ABCA13: variants seen among roughly 807,000 people sequenced by gnomAD.
ABCA13 encodes ATP binding cassette subfamily A member 13.
A neutral mutation model predicts 478.7 loss-of-function variants in ABCA13; 476 were observed. The ratio of observed to expected loss-of-function variants is 0.99; its 90% CI spans 0.92 to 1.07. ABCA13 has a LOEUF of 1.07. Among genes scored for constraint, ABCA13 ranks in the 50% least tolerant of loss-of-function variants. ABCA13 has a pLI of 0.00. For missense variants in ABCA13, 6,060 were observed against 5,910.6 expected (o/e 1.03, Z -0.83); for synonymous variants, 2,252 against 2,158.9 (o/e 1.04, Z -1.20).
In ABCA13 at chr7:48,279,443, TAAAG is replaced by T. The variant is rs760717242; in HGVS notation, c.8255_8258del (p.Lys2752IlefsTer9). ...ACCTTAGAAGCTCTTTGGAAAAACT[TAAAG>T]AAAGATAATTGGAATGTTTCTAATG... On this transcript the variant is annotated frameshift_variant, in exon 18 of 62. Transcript: ENST00000435803. LOFTEE classifies it high-confidence loss of function. The T allele has an allele frequency of 1.4e-5, 22 of 1,607,122 alleles. No individual in the cohort carries two copies. The highest frequency in any genetic ancestry group is 1.6e-4 in the Middle Eastern group (1 of 6,074).
chr7:48,228,011 G>C (rs1788485161), intron 6 of ABCA13, among the ~76,000 whole-genome samples: 1 of 152,152 alleles, frequency 6.6e-6, no homozygotes, highest in African/African-American at 2.4e-5. Context: ...CCCGTGGTGG[G>C]CTTCTTATGC....
chr7:48,229,759 A>G, intron 6 of ABCA13, 66 bp from the exon 7 acceptor site: 2 of 1,592,292 alleles, frequency 1.3e-6, no homozygotes, highest in Non-Finnish European at 1.7e-6. Context: ...AAGTAAACCT[A>G]GAATTGATGC....
intron 26 of ABCA13, among the ~76,000 whole-genome samples, chr7:48,315,048 T>C (rs1802366921): frequency 6.6e-6 from 1 of 152,226 alleles, no homozygotes; most frequent in South Asian, 2.1e-4. Flanking sequence ...TTTAGACGGT[T>C]CAGCTCCATC....
At chr7:48,477,024 C>A (rs980417885) in intron 45 of ABCA13, among the ~76,000 whole-genome samples, 2 of 152,090 alleles carry the variant, frequency 1.3e-5, no homozygotes, top group African/African-American at 4.8e-5. Flanking sequence ...TGTCACAATC[C>A]AGGATAATCT....
intron 3 of ABCA13, among the ~76,000 whole-genome samples, chr7:48,217,100 A>G (rs997046023): frequency 2.0e-5 from 3 of 152,232 alleles, no homozygotes; most frequent in Non-Finnish European, 2.9e-5. Context: ...TGTCTATCCA[A>G]AGGAATATAA....
At chr7:48,478,187 T>A (rs1190762832) in intron 45 of ABCA13, among the ~76,000 whole-genome samples, 3 of 148,514 alleles carry the variant, frequency 2.0e-5, no homozygotes, top group Non-Finnish European at 3.0e-5. Flanking sequence ...GATATATATA[T>A]AATACATAAA....
chr7:48,457,700 T>G (rs140361366), intron 43 of ABCA13, among the ~76,000 whole-genome samples: 34 of 152,362 alleles, frequency 2.2e-4, no homozygotes, highest in African/African-American at 6.5e-4. Context: ...GAGGTTTATT[T>G]TCTCATCCTT....
chr7:48,427,477 C>T (rs1489718880), intron 41 of ABCA13, among the ~76,000 whole-genome samples: 1 of 152,220 alleles, frequency 6.6e-6, no homozygotes, highest in Non-Finnish European at 1.5e-5. Flanking sequence ...TGCTATCTGT[C>T]CCCTCCCTGC....
chr7:48,513,797 G>A (rs1357361455), intron 51 of ABCA13, among the ~76,000 whole-genome samples: 1 of 152,094 alleles, frequency 6.6e-6, no homozygotes, highest in African/African-American at 2.4e-5. Context: ...GACGGGAGCT[G>A]CTAATACGTT....
rs140063734 is a variant in ABCA13, at chr7:48,441,009, A to G, written c.12565+13138A>G. On this transcript the variant is annotated intron_variant, in intron 42 of 61. Coordinates refer to ENST00000435803, the MANE Select transcript of ABCA13 (RefSeq NM_152701.5). The stretch of plus-strand genomic sequence containing the variant: ...CTGGGAACTGAAATGTATATTATTT[A>G]AGAATCAATTTAAGTATTTCATTAC... Among the ~76,000 whole-genome samples, 55 of 152,342 alleles carry G rather than the reference A, an allele frequency of 3.6e-4. No homozygotes were observed. In the East Asian group the frequency reaches 9.8e-3, roughly 27 times the overall value.
chr7:48,256,087 T>C (rs753906426), intron 15 of ABCA13, among the ~76,000 whole-genome samples: 1 of 152,174 alleles, frequency 6.6e-6, no homozygotes, highest in African/African-American at 2.4e-5. Flanking sequence ...TTATTGGCCA[T>C]GTGCATGTCT....
intron 59 of ABCA13, among the ~76,000 whole-genome samples, chr7:48,640,912 A>C (rs1038387932): frequency 1.3e-4 from 20 of 152,164 alleles, no homozygotes; most frequent in African/African-American, 4.6e-4. Flanking sequence ...CCTATCTCCT[A>C]TCTGTTTCAG....
chr7:48,391,788 T>C lies in ABCA13; in HGVS notation c.11655-133T>C, dbSNP rs930105667. 5.7e-5 allele frequency: 44 copies of C among 765,598 alleles called. No homozygotes were observed. The Admixed American group carries it at 9.6e-4, about 17-fold the overall frequency. 47.4% of individuals were successfully genotyped at this position (765,598 alleles called of 1,614,324 possible). ...AAACTACTCACACCTTTTAACTGAT[T>C]GTGTAAAAACCAGGTCAGCAGAAGG... On this transcript the variant is annotated intron_variant, in intron 37 of 61. Transcript: ENST00000435803.
chr7:48,571,266 T>TC (rs1484504384), intron 55 of ABCA13, among the ~76,000 whole-genome samples: 1 of 152,228 alleles, frequency 6.6e-6, no homozygotes, highest in East Asian at 1.9e-4. Flanking sequence ...ATGGTAATCT[T>TC]AACCAGTGCT....
At chr7:48,477,161 AT>A (rs995247612) in intron 45 of ABCA13, among the ~76,000 whole-genome samples, 2 of 152,110 alleles carry the variant, frequency 1.3e-5, no homozygotes, top group African/African-American at 2.4e-5. Context: ...CAGAGGGTGT[AT>A]TTGGGGACAC....
chr7:48,376,982 G>GC (rs1290483786), intron 35 of ABCA13, among the ~76,000 whole-genome samples: 1 of 152,156 alleles, frequency 6.6e-6, no homozygotes, highest in Non-Finnish European at 1.5e-5. Flanking sequence ...CAAGCGCTCA[G>GC]CCAGTGGCAG....
chr7:48,293,192 G>GCCCCACCCCC (rs1554419599), intron 20 of ABCA13, among the ~76,000 whole-genome samples: 1 of 108,280 alleles, frequency 9.2e-6, no homozygotes, highest in African/African-American at 3.0e-5. Context: ...GAAGTCTTCA[G>GCCCCACCCCC]CCCCCCCCCC....
rs768645142 is a variant in ABCA13, at chr7:48,412,393, G to A, written c.12269G>A (p.Cys4090Tyr). 1.9e-6 allele frequency: 3 copies of A among 1,609,400 alleles called. No homozygotes were observed. Among genetic ancestry groups the A allele is most frequent in the Admixed American group, 1.7e-5 (1 of 58,802 alleles). ...LEAHDLKDMA[C>Y]VTSLIKIYIP... ...GCCCATGATCTGAAAGACATGGCTT[G>A]TGTTACATCCCTGATAAAGATCTAT... The change falls in exon 41 of 62, where the codon TGT becomes TAT. Residue 4090 changes from cysteine (C) to tyrosine (Y), a missense_variant. By Grantham distance (194) the Cys-to-Tyr change is radical. Coordinates refer to ENST00000435803, the MANE Select transcript of ABCA13 (RefSeq NM_152701.5).
intron 55 of ABCA13, among the ~76,000 whole-genome samples, chr7:48,576,164 A>AT (rs1318926743): frequency 6.7e-6 from 1 of 150,230 alleles, no homozygotes; most frequent in Non-Finnish European, 1.5e-5. Context: ...GCATCTGTGG[A>AT]TTTTTAGTAT....
Sources: gnomAD v4.1 joint callset for allele counts (sites outside exome capture counted in the v4.1 genomes callset) on GRCh38, gnomAD v4.1.1 for gene constraint, MANE v1.5 for transcripts, NCBI Gene and HGNC (gene_info 2026-07-23, HGNC 2026-07-21) for gene names.